The following RGPD2 variants were observed in gnomAD, a reference collection of about 807,000 sequenced individuals.
RGPD2 encodes RANBP2 like and GRIP domain containing 2.
Under a neutral mutation model 36.0 loss-of-function variants are expected in RGPD2, and 2 were observed. The ratio of observed to expected loss-of-function variants is 0.06; its 90% confidence interval spans 0.02 to 0.17. The LOEUF is 0.17. Ranked by LOEUF, RGPD2 falls within the 10% of genes least tolerant of loss-of-function variation. The probability of loss-of-function intolerance (pLI) is 1.00; values close to 1 mark genes in which losing one functional copy is unlikely to be tolerated. For synonymous variants in RGPD2, 19 were observed against 163.8 expected (o/e 0.12, Z 6.75); for missense variants, 40 against 464.3 (o/e 0.09, Z 8.40).
the RGPD2 span, among the ~76,000 whole-genome samples, chr2:87,985,251 T>A: frequency 6.6e-6 from 1 of 151,300 alleles, no homozygotes; most frequent in East Asian, 1.9e-4. Context: ...TCGGCTAAAG[T>A]ACTTTAAATC....
the RGPD2 span, among the ~76,000 whole-genome samples, chr2:87,935,504 T>C: frequency 6.9e-6 from 1 of 145,030 alleles, no homozygotes; most frequent in Admixed American, 7.0e-5. Context: ...GAAAAGCTTA[T>C]GCTCTATTTT....
At chr2:87,832,139 G>T in the RGPD2 span, among the ~76,000 whole-genome samples, 1 of 148,460 alleles carries the variant, frequency 6.7e-6, no homozygotes, top group Non-Finnish European at 1.5e-5. Flanking sequence ...GTAACCTAAA[G>T]ATGTTAATAA....
At chr2:87,978,187 G>T in the RGPD2 span, among the ~76,000 whole-genome samples, 1 of 151,770 alleles carries the variant, frequency 6.6e-6, no homozygotes, top group African/African-American at 2.4e-5. Context: ...GCTCATCAAA[G>T]ACACTGTTAA....
At chr2:87,919,455 C>G in the RGPD2 span, among the ~76,000 whole-genome samples, 1 of 152,074 alleles carries the variant, frequency 6.6e-6, no homozygotes, top group Non-Finnish European at 1.5e-5. Flanking sequence ...GCTGCTCTTG[C>G]GAGTAAATCA....
the RGPD2 span, among the ~76,000 whole-genome samples, chr2:87,876,497 T>C: frequency 6.6e-6 from 1 of 152,294 alleles, no homozygotes; most frequent in South Asian, 2.1e-4. Flanking sequence ...CCAAGAGTCA[T>C]TAAGGAGCGG....
the RGPD2 span, among the ~76,000 whole-genome samples, chr2:87,961,696 TAAA>T: frequency 0.031 from 1,591 of 50,586 alleles, 75 homozygotes; most frequent in African/African-American, 0.095. Flanking sequence ...TAAGACTTCC[TAAA>T]AAAAAAAAAA....
At chr2:87,875,095 A>C in the RGPD2 span, among the ~76,000 whole-genome samples, 6 of 152,222 alleles carry the variant, frequency 3.9e-5, no homozygotes, top group African/African-American at 1.4e-4. Context: ...TGCCAGCTTA[A>C]GGAGCTTTTG....
At chr2:87,854,143 T>A in the RGPD2 span, among the ~76,000 whole-genome samples, 1 of 130,152 alleles carries the variant, frequency 7.7e-6, no homozygotes, top group Non-Finnish European at 1.6e-5. Context: ...AGTCTAGCAC[T>A]GTTGCCCAGG....
upstream of RGPD2, among the ~76,000 whole-genome samples, chr2:87,827,581 C>A (rs1305541642): frequency 8.6e-6 from 1 of 115,892 alleles, no homozygotes; most frequent in African/African-American, 3.3e-5. Flanking sequence ...TAAATCCTGG[C>A]TTCATATATT....
chr2:87,956,472 TA>T, the RGPD2 span, among the ~76,000 whole-genome samples: 10 of 142,896 alleles, frequency 7.0e-5, no homozygotes, highest in African/African-American at 2.0e-4. Flanking sequence ...GAAATGGTAC[TA>T]AATGTATATA....
chr2:87,915,385 G>GTATATATATATATTATATATATTGTA, the RGPD2 span, among the ~76,000 whole-genome samples: 1 of 109,090 alleles, frequency 9.2e-6, no homozygotes, highest in African/African-American at 3.4e-5. Context: ...TATATATATT[G>GTATATATATATATTATATATATTGTA]TATATATATG....
At chr2:87,825,548 G>T (rs1440458970) in intron 1 of RGPD2, 110 bp downstream of exon 1, 1 of 809,768 alleles carries the variant, frequency 1.2e-6, no homozygotes, top group Non-Finnish European at 1.4e-6. Flanking sequence ...CGAGGCCGCC[G>T]CCCGGCCAGG....
the RGPD2 span, among the ~76,000 whole-genome samples, chr2:87,915,291 T>TTTTCAACC: frequency 1.5e-5 from 2 of 132,574 alleles, no homozygotes; most frequent in Non-Finnish European, 1.5e-5. Context: ...TATATATATG[T>TTTTCAACC]ATATTATATA....
the RGPD2 span, among the ~76,000 whole-genome samples, chr2:87,879,365 T>C: frequency 1.3e-5 from 2 of 152,282 alleles, no homozygotes; most frequent in East Asian, 3.9e-4. Context: ...TCATGCCGTT[T>C]TCCTGTCAAA....
Position 87,807,385 on chromosome 2 carries a change from T to G in RGPD2, c.780-494A>C, listed in dbSNP as rs1311956092. Among the ~76,000 whole-genome samples the G allele has an allele frequency of 1.5e-3, 191 of 126,338 alleles. 2 individuals are homozygous for G. Among genetic ancestry groups the G allele is most frequent in the Non-Finnish European group, 5.6e-4 (35 of 62,320 alleles). The allele number at this position is 126,338 out of a possible 152,430, so 82.9% of individuals were successfully genotyped here. A position where few individuals can be genotyped will look rare whatever the true frequency, so the allele number is the denominator to read the frequency against. ...GATCATTACAGCGTTAAATTGTTTT[T>G]TTTTTTTTTTTTTTTTTTTGAGACA... On this transcript the variant is annotated intron_variant, in intron 6 of 22. Transcript: ENST00000398146.
At chr2:87,972,024 CCAGA>C in the RGPD2 span, among the ~76,000 whole-genome samples, 9,344 of 150,672 alleles carry the variant, frequency 0.062, 328 homozygotes, top group Middle Eastern at 0.11. Context: ...AAAACATAAA[CCAGA>C]ACATAGATTA....
chr2:87,988,541 ATTT>A, the RGPD2 span, among the ~76,000 whole-genome samples: 317 of 53,948 alleles, frequency 5.9e-3, 3 homozygotes, highest in Non-Finnish European at 8.4e-3. Flanking sequence ...ATATATATAT[ATTT>A]TTTTTTTTTC....
chr2:87,988,690 A>G, the RGPD2 span, among the ~76,000 whole-genome samples: 1 of 151,584 alleles, frequency 6.6e-6, no homozygotes, highest in South Asian at 2.1e-4. Flanking sequence ...ACAGAAGTGC[A>G]CCACCACACC....
At chr2:87,769,728 C>A (rs1685068652) in intron 22 of RGPD2, among the ~76,000 whole-genome samples, 1 of 151,506 alleles carries the variant, frequency 6.6e-6, no homozygotes, top group African/African-American at 2.4e-5. Flanking sequence ...TTCTTAAAGT[C>A]CTGGTTAATT....
Sources: allele counts gnomAD v4.1 joint callset (sites outside exome capture counted in the v4.1 genomes callset), GRCh38; gene constraint gnomAD v4.1.1; transcripts MANE v1.5; gene names NCBI Gene and HGNC (gene_info 2026-07-23, HGNC 2026-07-21).